Variants in CSMD1 observed in about 807,000 individuals in gnomAD.
CSMD1 encodes CUB and Sushi multiple domains 1, also known as CUB and sushi domain-containing protein 1.
Under a neutral mutation model 417.5 loss-of-function variants are expected in CSMD1, and 213 were observed. The observed-to-expected ratio is 0.51, with a 90% CI of 0.46 to 0.57. The LOEUF (loss-of-function observed/expected upper bound fraction) is 0.57, where lower values mean the gene tolerates loss of function less well. Among genes scored for constraint, CSMD1 ranks in the 20% least tolerant of loss-of-function variants. CSMD1 has a pLI of 0.00. For synonymous variants in CSMD1, 2,862 were observed against 1,736.8 expected (o/e 1.65, Z -16.11); for missense variants, 6,923 against 4,529.7 (o/e 1.53, Z -15.17).
Position 3,414,175 on chromosome 8 carries a change from T to C in CSMD1, c.1562-4570A>G, listed in dbSNP as rs1812983305. ...AAAAAAAAAAAAGAAGCAAACACTATGATTTGGTATCAATTCAAAGACTGA... is the reference window on the plus strand; with the variant it reads ...AAAAAAAAAAAAGAAGCAAACACTACGATTTGGTATCAATTCAAAGACTGA... On this transcript the variant is annotated intron_variant, in intron 12 of 69. Transcript: ENST00000635120. 1.8e-5 allele frequency among the ~76,000 whole-genome samples: 2 copies of C among 111,932 alleles called. 1 individual carries two copies. Among genetic ancestry groups the C allele is most frequent in the Admixed American group, 2.1e-4 (2 of 9,696 alleles). 73.4% of individuals were successfully genotyped at this position (111,932 alleles called of 152,430 possible).
chr8:3,530,501 T>C (rs936446120), intron 10 of CSMD1, among the ~76,000 whole-genome samples: 3 of 152,290 alleles, frequency 2.0e-5, no homozygotes, highest in South Asian at 4.1e-4. Context: ...AAAAGCAAAA[T>C]GTACAGTGAA....
intron 2 of CSMD1, among the ~76,000 whole-genome samples, chr8:4,486,723 G>C (rs1801434568): frequency 6.6e-6 from 1 of 150,800 alleles, no homozygotes; most frequent in Non-Finnish European, 1.5e-5. Flanking sequence ...TGTACAAAGA[G>C]GGTTCCCCTT....
intron 3 of CSMD1, among the ~76,000 whole-genome samples, chr8:4,250,075 C>G (rs920232027): frequency 1.3e-5 from 2 of 152,178 alleles, no homozygotes; most frequent in African/African-American, 2.4e-5. Flanking sequence ...TGGGCTACCC[C>G]TCTTTGCCCT....
At chr8:4,652,547 C>G (rs943047505) in intron 1 of CSMD1, among the ~76,000 whole-genome samples, 21 of 151,944 alleles carry the variant, frequency 1.4e-4, no homozygotes, top group African/African-American at 1.5e-4. Context: ...AGCTACTCAG[C>G]AGGTTGAGGC....
chr8:3,687,887 C>T (rs1800029290), intron 7 of CSMD1, among the ~76,000 whole-genome samples: 2 of 152,228 alleles, frequency 1.3e-5, no homozygotes, highest in South Asian at 2.1e-4. Context: ...TACTGATGAC[C>T]TGGGGACAGA....
At chr8:3,745,756 T>A (rs1440213842) in intron 6 of CSMD1, among the ~76,000 whole-genome samples, 3 of 152,218 alleles carry the variant, frequency 2.0e-5, no homozygotes, top group Non-Finnish European at 1.5e-5. Context: ...CGCCATTCAA[T>A]TTCAGAAGCC....
chr8:4,668,697 G>A (rs967786712), intron 1 of CSMD1, among the ~76,000 whole-genome samples: 2 of 151,706 alleles, frequency 1.3e-5, no homozygotes, highest in African/African-American at 4.8e-5. Context: ...TGATCTCCCC[G>A]CGTCAGCCTC....
chr8:4,011,679 C>T (rs754942956), intron 4 of CSMD1, among the ~76,000 whole-genome samples: 16 of 152,096 alleles, frequency 1.1e-4, no homozygotes, highest in African/African-American at 2.2e-4. Flanking sequence ...TTTTAAACTA[C>T]GAAATAATTA....
At chr8:4,218,824 A>G (rs140087057) in intron 3 of CSMD1, among the ~76,000 whole-genome samples, 30 of 152,288 alleles carry the variant, frequency 2.0e-4, no homozygotes, top group Middle Eastern at 6.8e-3. Context: ...CAATCCTTTT[A>G]TTCTGACAAT....
intron 2 of CSMD1, among the ~76,000 whole-genome samples, chr8:4,510,800 C>A (rs1802782079): frequency 1.4e-5 from 2 of 143,372 alleles, no homozygotes; most frequent in South Asian, 2.3e-4. Context: ...TCCCCTTTCC[C>A]TTCCCTTCCT....
At position 4,893,549 on chromosome 8, in the gene CSMD1, C is replaced by T. The variant is rs371785574; in HGVS notation, c.85+100783G>A. 7.2e-5 allele frequency among the ~76,000 whole-genome samples: 11 copies of T among 152,194 alleles called. No individual in the cohort carries two copies. The East Asian group carries it at 1.5e-3, about 21-fold the overall frequency. ...TTGAATAATAATTTTATGTTTTCCTCAAACCCAGATGACAATTCTTTTGTA... is the reference window on the plus strand; with the variant it reads ...TTGAATAATAATTTTATGTTTTCCTTAAACCCAGATGACAATTCTTTTGTA... On this transcript the variant is annotated intron_variant, in intron 1 of 69. Coordinates refer to ENST00000635120, the MANE Select transcript of CSMD1 (RefSeq NM_033225.6).
At chr8:3,574,300 G>A (rs1028417867) in intron 10 of CSMD1, among the ~76,000 whole-genome samples, 1 of 152,248 alleles carries the variant, frequency 6.6e-6, no homozygotes, top group Non-Finnish European at 1.5e-5. Context: ...GAGTGCAGTG[G>A]CACGATCTTG....
intron 6 of CSMD1, among the ~76,000 whole-genome samples, chr8:3,750,018 G>T (rs1220085315): frequency 6.6e-6 from 1 of 152,012 alleles, no homozygotes; most frequent in South Asian, 2.1e-4. Context: ...TACCAATAGT[G>T]CAAAAAATAT....
At chr8:4,720,925 C>G (rs183494304) in intron 1 of CSMD1, among the ~76,000 whole-genome samples, 1 of 152,136 alleles carries the variant, frequency 6.6e-6, no homozygotes, top group Non-Finnish European at 1.5e-5. Flanking sequence ...TCTTAACTTT[C>G]GTGAATCTAC....
At chr8:4,394,121 A>AT (rs1804045363) in intron 3 of CSMD1, among the ~76,000 whole-genome samples, 1 of 152,202 alleles carries the variant, frequency 6.6e-6, no homozygotes, top group Non-Finnish European at 1.5e-5. Flanking sequence ...TTTCCAGATT[A>AT]TCTTCTAAGT....
chr8:3,542,171 A>C (rs1033862838), intron 10 of CSMD1, among the ~76,000 whole-genome samples: 1 of 152,194 alleles, frequency 6.6e-6, no homozygotes, highest in Non-Finnish European at 1.5e-5. Flanking sequence ...AAAATACTTC[A>C]AAACTAAGAG....
chr8:3,521,363 T>C (rs184407587), intron 10 of CSMD1, among the ~76,000 whole-genome samples: 80 of 152,260 alleles, frequency 5.3e-4, no homozygotes, highest in Non-Finnish European at 6.0e-4. Flanking sequence ...CCTTCTCCCA[T>C]GATGTCAGCC....
In CSMD1 at chr8:4,406,513, A is replaced by G. The variant is rs373635901; in HGVS notation, c.415+13440T>C. ...TGGGAACAAGGAATTTGACTAGTTG[A>G]TATTACTTTTCATTCTAAGAAGTTT... On this transcript the variant is annotated intron_variant, in intron 3 of 69. Transcript: ENST00000635120. Among the ~76,000 whole-genome samples the G allele has an allele frequency of 1.1e-4, 16 of 152,122 alleles. No individual in the cohort carries two copies. In the East Asian group the frequency reaches 1.2e-3, roughly 11 times the overall value.
In CSMD1 at chr8:4,179,087, C is replaced by T. The variant is rs377467793; in HGVS notation, c.416-146988G>A. Among the ~76,000 whole-genome samples the T allele has an allele frequency of 1.4e-4, 21 of 152,200 alleles. No individual in the cohort carries two copies. The East Asian group carries it at 1.9e-3, about 14-fold the overall frequency. On this transcript the variant is annotated intron_variant, in intron 3 of 69. Coordinates refer to ENST00000635120, the MANE Select transcript of CSMD1 (RefSeq NM_033225.6). ...AATTAGAAAAAACTACTTTAAAGTT[C>T]ATATGGAAACAAAAAAGAGCCCGCA... is the stretch of plus-strand genomic sequence containing the variant.
Sources: gnomAD v4.1 joint callset for allele counts (sites outside exome capture counted in the v4.1 genomes callset) on GRCh38, gnomAD v4.1.1 for gene constraint, MANE v1.5 for transcripts, NCBI Gene and HGNC (gene_info 2026-07-23, HGNC 2026-07-21) for gene names.